Variants in PKNOX1 observed in about 807,000 individuals in gnomAD.
The protein encoded by PKNOX1 is PBX/knotted 1 homeobox 1, also known as homeobox protein PKNOX1.
A neutral mutation model predicts 51.9 loss-of-function variants in PKNOX1; 15 were observed. The observed-to-expected ratio is 0.29, with a 90% CI of 0.19 to 0.45. The LOEUF (loss-of-function observed/expected upper bound fraction) is 0.45, where lower values mean the gene tolerates loss of function less well. Among genes scored for constraint, PKNOX1 ranks in the 20% least tolerant of loss-of-function variants. The pLI, the probability that PKNOX1 is intolerant of heterozygous loss-of-function variation, is 1.00. For synonymous variants in PKNOX1, 219 were observed against 211.1 expected (o/e 1.04, Z -0.32); for missense variants, 462 against 547.5 (o/e 0.84, Z 1.56).
chr21:43,004,032 G>A, intron 1 of PKNOX1: 1 of 179,294 alleles, frequency 5.6e-6, no homozygotes, highest in Admixed American at 5.8e-5. Context: ...GAGGTCGGGA[G>A]TTCGAGACCA....
At chr21:43,020,486 T>C (rs1197618456) in intron 7 of PKNOX1, 1 of 152,264 alleles carries the variant, frequency 6.6e-6, no homozygotes, top group African/African-American at 2.4e-5. Context: ...GCCATTCACA[T>C]CTTTTTCTTT....
chr21:43,029,239 C>T (rs1980121255), intron 10 of PKNOX1, among the ~76,000 whole-genome samples: 1 of 152,064 alleles, frequency 6.6e-6, no homozygotes, highest in Non-Finnish European at 1.5e-5. Flanking sequence ...CACGTGGCTT[C>T]TTTCTCTTCA....
Position 43,013,736 on chromosome 21 carries a change from A to T in PKNOX1, c.522+498A>T, listed in dbSNP as rs557404724. ...CCTAGCCCCTGGAACCCACCGTTCTACTGTCTGTCTCTGTGAATTCGATGA... is the reference window on the plus strand; with the variant it reads ...CCTAGCCCCTGGAACCCACCGTTCTTCTGTCTGTCTCTGTGAATTCGATGA... On this transcript the variant is annotated intron_variant, in intron 5 of 10. Transcript: ENST00000291547. 5.3e-5 allele frequency among the ~76,000 whole-genome samples: 8 copies of T among 152,120 alleles called. No homozygotes were observed. The South Asian group carries it at 6.2e-4, about 12-fold the overall frequency.
At chr21:42,981,701 A>G (rs77632300) in intron 1 of PKNOX1, among the ~76,000 whole-genome samples, 5,785 of 152,278 alleles carry the variant, frequency 0.038, 138 homozygotes, top group Middle Eastern at 0.061. Flanking sequence ...CTGGGATTAC[A>G]GGCACGTGTC....
intron 4 of PKNOX1, among the ~76,000 whole-genome samples, chr21:43,012,418 G>A (rs1020149978): frequency 1.3e-5 from 2 of 152,054 alleles, no homozygotes; most frequent in Non-Finnish European, 2.9e-5. Context: ...AAATTAGCTG[G>A]GCATGGTGGT....
At chr21:42,977,051 A>G (rs1424499015) in intron 1 of PKNOX1, among the ~76,000 whole-genome samples, 1 of 152,218 alleles carries the variant, frequency 6.6e-6, no homozygotes, top group African/African-American at 2.4e-5. Context: ...CCCTTGGGTG[A>G]CTAGGTACAT....
intron 1 of PKNOX1, among the ~76,000 whole-genome samples, chr21:42,990,145 C>A (rs1341670011): frequency 6.6e-6 from 1 of 151,870 alleles, no homozygotes; most frequent in African/African-American, 2.4e-5. Flanking sequence ...GCCTGTAATC[C>A]CAGCTACTCG....
intron 1 of PKNOX1, among the ~76,000 whole-genome samples, chr21:42,983,099 T>A (rs11910364): frequency 1.4e-4 from 22 of 152,052 alleles, no homozygotes; most frequent in Non-Finnish European, 2.6e-4. Flanking sequence ...CATGAACCAC[T>A]GTGGCTGGCC....
chr21:42,977,408 C>G (rs1237241791), intron 1 of PKNOX1, among the ~76,000 whole-genome samples: 4 of 152,156 alleles, frequency 2.6e-5, no homozygotes, highest in Non-Finnish European at 5.9e-5. Context: ...CATCAATGAT[C>G]TTAGCTAGAC....
chr21:42,980,480 A>G (rs1404081053), intron 1 of PKNOX1, among the ~76,000 whole-genome samples: 1 of 152,226 alleles, frequency 6.6e-6, no homozygotes, highest in Non-Finnish European at 1.5e-5. Flanking sequence ...CAAATTGTTA[A>G]AAGTGTCTGA....
chr21:43,033,485 G>A lies in PKNOX1; in HGVS notation c.*3384G>A, dbSNP rs536337930. The A allele has an allele frequency of 6.5e-6, 1 of 152,750 alleles. No homozygotes were observed. Among genetic ancestry groups the A allele is most frequent in the East Asian group, 1.9e-4 (1 of 5,188 alleles). 9.5% of individuals were successfully genotyped at this position (152,750 alleles called of 1,614,324 possible). On this transcript the variant is annotated 3_prime_UTR_variant, in exon 11 of 11. Coordinates refer to ENST00000291547, the MANE Select transcript of PKNOX1 (RefSeq NM_004571.5). ...TGACAATCTTTGAAATGTGAATACT[G>A]TAACAATATGTTTTCTTGGATTGTT...
At chr21:43,011,584 G>C (rs1422767352) in intron 4 of PKNOX1, among the ~76,000 whole-genome samples, 1 of 152,190 alleles carries the variant, frequency 6.6e-6, no homozygotes, top group African/African-American at 2.4e-5. Flanking sequence ...CTGCCAGAGT[G>C]TAACCACGTG....
intron 1 of PKNOX1, among the ~76,000 whole-genome samples, chr21:42,978,604 C>G (rs2059010699): frequency 1.3e-5 from 2 of 151,730 alleles, no homozygotes; most frequent in Non-Finnish European, 2.9e-5. Flanking sequence ...TTGCCTCAGC[C>G]TACCAAGTAG....
At chr21:42,989,896 T>G (rs2059076821) in intron 1 of PKNOX1, among the ~76,000 whole-genome samples, 1 of 152,064 alleles carries the variant, frequency 6.6e-6, no homozygotes, top group African/African-American at 2.4e-5. Context: ...CTCAGGAGTT[T>G]GAGGCTAGCC....
At chr21:43,026,262 T>G (rs984007499) in intron 9 of PKNOX1, among the ~76,000 whole-genome samples, 2 of 152,254 alleles carry the variant, frequency 1.3e-5, no homozygotes, top group Non-Finnish European at 2.9e-5. Flanking sequence ...AGTATCAACT[T>G]TTAATTTTTA....
chr21:42,992,247 G>A (rs1030782004), intron 1 of PKNOX1, among the ~76,000 whole-genome samples: 2 of 152,228 alleles, frequency 1.3e-5, no homozygotes, highest in Non-Finnish European at 2.9e-5. Flanking sequence ...GTCCTTGTGA[G>A]TTCGACCTTA....
chr21:42,991,645 G>T (rs139835089), intron 1 of PKNOX1, among the ~76,000 whole-genome samples: 1 of 151,824 alleles, frequency 6.6e-6, no homozygotes, highest in Non-Finnish European at 1.5e-5. Context: ...GGAGAATGGC[G>T]TGAACCCCAG....
Position 43,013,611 on chromosome 21 carries a change from A to C in PKNOX1, c.522+373A>C, listed in dbSNP as rs191487853. ...GTTCAATGGTGTTAAGTTTATTCAC[A>C]TTGTTGGGCAACCATCAACACCATC... On this transcript the variant is annotated intron_variant, in intron 5 of 10. Transcript: ENST00000291547. Among the ~76,000 whole-genome samples, 133 of 152,248 alleles carry C rather than the reference A, an allele frequency of 8.7e-4. 1 individual carries two copies. The highest frequency in any genetic ancestry group is 3.1e-3 in the African/African-American group (127 of 41,534).
intron 1 of PKNOX1, among the ~76,000 whole-genome samples, chr21:42,990,896 C>T (rs549935304): frequency 6.6e-6 from 1 of 152,262 alleles, no homozygotes; most frequent in South Asian, 2.1e-4. Context: ...CAGCATGTTT[C>T]CTCCCCCCGT....
Sources: allele counts gnomAD v4.1 joint callset (sites outside exome capture counted in the v4.1 genomes callset), GRCh38; gene constraint gnomAD v4.1.1; transcripts MANE v1.5; gene names NCBI Gene and HGNC (gene_info 2026-07-23, HGNC 2026-07-21).